Variants in TACC2 observed in about 807,000 individuals in gnomAD.
The protein encoded by TACC2 is transforming acidic coiled-coil-containing protein 2.
A neutral mutation model predicts 227.3 loss-of-function variants in TACC2; 137 were observed. The observed-to-expected ratio is 0.60, with a 90% CI of 0.52 to 0.69. TACC2 has a LOEUF of 0.69. TACC2 is among the 30% of genes least tolerant of loss of function. TACC2 has a pLI of 0.00. For synonymous variants in TACC2, 1,523 were observed against 1,487.5 expected (o/e 1.02, Z -0.55); for missense variants, 3,470 against 3,694.4 (o/e 0.94, Z 1.57).
chr10:121,999,650 T>C (rs1954025459), intron 1 of TACC2, among the ~76,000 whole-genome samples: 2 of 152,246 alleles, frequency 1.3e-5, no homozygotes, highest in Admixed American at 1.3e-4. Flanking sequence ...TGTCAATGCT[T>C]TGGCGCATTC....
At chr10:122,097,637 C>T (rs970596700) in intron 5 of TACC2, among the ~76,000 whole-genome samples, 1 of 151,778 alleles carries the variant, frequency 6.6e-6, no homozygotes, top group Non-Finnish European at 1.5e-5. Context: ...GGTTGGTAGG[C>T]GGCCGGAGTT....
Position 122,194,387 on chromosome 10 carries a change from G to A in TACC2, c.5835-653G>A, listed in dbSNP as rs1349390577. 6.6e-6 allele frequency among the ~76,000 whole-genome samples: 1 copy of A among 152,150 alleles called. No individual in the cohort carries two copies. Among genetic ancestry groups the A allele is most frequent in the Non-Finnish European group, 1.5e-5 (1 of 68,030 alleles). On this transcript the variant is annotated intron_variant, in intron 7 of 22. Coordinates refer to ENST00000369005, the MANE Select transcript of TACC2 (RefSeq NM_206862.4). The surrounding 1 kb of genome is among the most constrained non-coding windows in gnomAD (Gnocchi z 4.4). ...GCGAGGGCCATTTTCACTGTGTCGG[G>A]GTTGGTGGCCGTGCTTTGTGTCTTG...
intron 8 of TACC2, among the ~76,000 whole-genome samples, chr10:122,203,289 G>A (rs1222204349): frequency 1.5e-5 from 2 of 132,020 alleles, no homozygotes; most frequent in African/African-American, 3.7e-5. Context: ...GGGCAGAGGG[G>A]CTCCTCACTT....
chr10:122,237,897 G>T (rs2095890741), intron 17 of TACC2, 64 bp from the exon 18 acceptor site: 18 of 1,210,074 alleles, frequency 1.5e-5, no homozygotes, highest in Non-Finnish European at 2.1e-5. Context: ...CTTGATCTAT[G>T]AATTGCTCAG....
At chr10:122,182,986 T>C (rs1370961197) in intron 7 of TACC2, among the ~76,000 whole-genome samples, 2 of 151,774 alleles carry the variant, frequency 1.3e-5, no homozygotes, top group Admixed American at 6.6e-5. Flanking sequence ...GGTGGATCGC[T>C]TGAGGCCAGG....
intron 18 of TACC2, among the ~76,000 whole-genome samples, chr10:122,238,326 G>T (rs1416717730): frequency 2.6e-5 from 4 of 152,160 alleles, no homozygotes; most frequent in Non-Finnish European, 5.9e-5. Flanking sequence ...TCTGTTTCTG[G>T]TGGATCCTTC....
chr10:122,057,120 A>G (rs1366927999), intron 3 of TACC2, among the ~76,000 whole-genome samples: 3 of 152,210 alleles, frequency 2.0e-5, no homozygotes, highest in African/African-American at 7.2e-5. Context: ...TGAACCCAGG[A>G]GGCAGATGTT....
At chr10:122,004,418 C>T (rs900564386) in intron 1 of TACC2, among the ~76,000 whole-genome samples, 10 of 151,122 alleles carry the variant, frequency 6.6e-5, no homozygotes, top group Non-Finnish European at 1.0e-4. Context: ...AAAAAAATTA[C>T]ACTCGTTCCT....
intron 7 of TACC2, among the ~76,000 whole-genome samples, chr10:122,178,239 C>CT (rs61083559): frequency 0.06 from 8,148 of 136,360 alleles, 718 homozygotes; most frequent in African/African-American, 0.19. Context: ...TTCTTTCTTT[C>CT]TTTTTTTTTT....
At position 122,229,559 on chromosome 10, in the gene TACC2, T is replaced by A. The variant is rs2095694379; in HGVS notation, c.8037+73T>A. ...AGAGAATGAACCCCCGAGGCCCAAA[T>A]GAAATAAGGCAGGATTTGATGAGGA... is the stretch of plus-strand genomic sequence containing the variant. On this transcript the variant is annotated intron_variant, in intron 15 of 22. Coordinates refer to ENST00000369005, the MANE Select transcript of TACC2 (RefSeq NM_206862.4). 3.5e-5 allele frequency: 55 copies of A among 1,557,570 alleles called. 2 individuals are homozygous for A. The South Asian group carries it at 6.0e-4, about 17-fold the overall frequency.
In TACC2 at chr10:122,132,691, G is replaced by T. The variant is rs750857540; in HGVS notation, c.5656G>T (p.Gly1886Cys). 3 of 1,614,160 alleles carry T rather than the reference G, an allele frequency of 1.9e-6. No homozygotes were observed. The highest frequency in any genetic ancestry group is 2.5e-6 in the Non-Finnish European group (3 of 1,180,022). ...AACCTTAGCTGCCTCTTCCTACCAC[G>T]GTGATGTTGTTGGCCAGGTCTCTAC... is the stretch of plus-strand genomic sequence containing the variant. Reference protein sequence around the residue: ...SPTLAASSYHGDVVGQVSTDL... With the variant: ...SPTLAASSYHCDVVGQVSTDL... The change falls in exon 6 of 23, where the codon GGT (glycine) becomes TGT (cysteine). Residue 1886 changes from glycine (G) to cysteine (C), a missense_variant. This residue lies in a region of TACC2 where 1,924 missense variants were observed against 1,978.3 expected (regional missense o/e 0.97). Coordinates refer to ENST00000369005, the MANE Select transcript of TACC2 (RefSeq NM_206862.4).
At chr10:122,007,799 A>G (rs141082318) in intron 1 of TACC2, among the ~76,000 whole-genome samples, 387 of 152,302 alleles carry the variant, frequency 2.5e-3, no homozygotes, top group African/African-American at 8.6e-3. Flanking sequence ...TCAGTCCCCA[A>G]TGTGGCAGCA....
intron 2 of TACC2, among the ~76,000 whole-genome samples, chr10:122,024,394 C>G (rs1299156870): frequency 6.6e-6 from 1 of 152,100 alleles, no homozygotes; most frequent in African/African-American, 2.4e-5. Flanking sequence ...CAGAGAGGTC[C>G]CATGTACCAT....
rs200903142 is a variant in TACC2, at chr10:122,211,346, A to G, written c.6921A>G (p.Thr2307=). 3.6e-5 allele frequency: 58 copies of G among 1,613,420 alleles called. No individual in the cohort carries two copies. The Middle Eastern group carries it at 8.2e-4, about 23-fold the overall frequency. The change falls in exon 9 of 23, where the codon ACA becomes ACG. Residue 2307 remains threonine (T), a synonymous_variant. Coordinates refer to ENST00000369005, the MANE Select transcript of TACC2 (RefSeq NM_206862.4). ...MPLRRPKMKK[T]PEKLDNTPAS... is the part of the protein sequence containing the mutation. ...TGAGGAGGCCAAAGATGAAAAAGAC[A>G]CCCGAGAAACTTGACAACACTCCTG...
intron 8 of TACC2, among the ~76,000 whole-genome samples, chr10:122,204,465 C>T (rs981928441): frequency 6.6e-6 from 1 of 152,146 alleles, no homozygotes; most frequent in African/African-American, 2.4e-5. Flanking sequence ...AGCAGGACAA[C>T]AGGTGGGGAT....
chr10:122,140,070 C>G (rs2090310910), intron 6 of TACC2, among the ~76,000 whole-genome samples: 2 of 152,202 alleles, frequency 1.3e-5, no homozygotes, highest in Non-Finnish European at 2.9e-5. Flanking sequence ...TGAATGTGAG[C>G]CCTGGAGCTG....
At chr10:122,130,500 T>C (rs1363966549) in intron 5 of TACC2, among the ~76,000 whole-genome samples, 1 of 152,052 alleles carries the variant, frequency 6.6e-6, no homozygotes, top group East Asian at 1.9e-4. Flanking sequence ...CAGGCTGGTC[T>C]TCAACTCCTG....
chr10:122,048,047 G>C (rs2075235045), intron 2 of TACC2, among the ~76,000 whole-genome samples: 1 of 152,218 alleles, frequency 6.6e-6, no homozygotes, highest in Non-Finnish European at 1.5e-5. Context: ...TCGGGCTGGT[G>C]TCTGAAGGTC....
In TACC2 at chr10:122,086,640, T is replaced by A; in HGVS notation, c.4140T>A (p.Pro1380=). The A allele has an allele frequency of 6.2e-7, 1 of 1,604,242 alleles. No homozygotes were observed. The highest frequency in any genetic ancestry group is 8.5e-7 in the Non-Finnish European group (1 of 1,174,970). ...TEGSMERMGE[P]SQDPKQGTSG... ...GCAGCATGGAGAGGATGGGAGAGCCTTCCCAGGACCCAAAGCAGGGCACAT... is the reference window on the plus strand; with the variant it reads ...GCAGCATGGAGAGGATGGGAGAGCCATCCCAGGACCCAAAGCAGGGCACAT... The change falls in exon 4 of 23, where the codon CCT becomes CCA. Residue 1380 remains proline, a synonymous_variant. Coordinates refer to ENST00000369005, the MANE Select transcript of TACC2 (RefSeq NM_206862.4).
Sources: gnomAD v4.1 joint callset for allele counts (sites outside exome capture counted in the v4.1 genomes callset) on GRCh38, gnomAD v4.1.1 for gene constraint, gnomAD v4.1.1 regional missense constraint, Gnocchi (gnomAD v3.1) non-coding constraint, MANE v1.5 for transcripts, NCBI Gene and HGNC (gene_info 2026-07-23, HGNC 2026-07-21) for gene names.